The following STXBP4 variants were observed in gnomAD, a reference collection of about 807,000 sequenced individuals.
STXBP4 encodes the protein syntaxin-binding protein 4.
A neutral mutation model predicts 76.1 loss-of-function variants in STXBP4; 55 were observed. The ratio of observed to expected loss-of-function variants is 0.72; its 90% CI spans 0.58 to 0.91. The LOEUF (loss-of-function observed/expected upper bound fraction) is 0.91, where lower values mean the gene tolerates loss of function less well. Among genes scored for constraint, STXBP4 ranks in the 40% least tolerant of loss-of-function variants. The probability of loss-of-function intolerance (pLI) is 0.00; values close to 1 mark genes in which losing one functional copy is unlikely to be tolerated. For synonymous variants in STXBP4, 201 were observed against 220.2 expected (o/e 0.91, Z 0.77); for missense variants, 618 against 636.9 (o/e 0.97, Z 0.32).
intron 16 of STXBP4, among the ~76,000 whole-genome samples, chr17:55,131,807 G>C (rs1203370051): frequency 1.3e-5 from 2 of 152,122 alleles, no homozygotes; most frequent in Admixed American, 6.5e-5. Context: ...TGTCACCCAG[G>C]CTGGAGTGCT....
the STXBP4 span, among the ~76,000 whole-genome samples, chr17:55,195,840 T>C: frequency 6.6e-6 from 1 of 152,174 alleles, no homozygotes; most frequent in Non-Finnish European, 1.5e-5. Flanking sequence ...GCAGAGATTT[T>C]TGGTTGTCAC....
intron 8 of STXBP4, among the ~76,000 whole-genome samples, chr17:55,012,479 G>C (rs941203112): frequency 6.6e-6 from 1 of 152,098 alleles, no homozygotes; most frequent in Admixed American, 6.6e-5. Context: ...AGCAGTGTAA[G>C]ACTTCCACCT....
chr17:55,101,654 A>G (rs955511047), intron 16 of STXBP4, among the ~76,000 whole-genome samples: 1 of 152,236 alleles, frequency 6.6e-6, no homozygotes, highest in Non-Finnish European at 1.5e-5. Flanking sequence ...TTTCCTTCTT[A>G]GACTTTTGGG....
intron 13 of STXBP4, among the ~76,000 whole-genome samples, chr17:55,074,619 T>C (rs927697774): frequency 1.3e-5 from 2 of 152,160 alleles, no homozygotes; most frequent in South Asian, 4.1e-4. Flanking sequence ...ATTCCTTGTT[T>C]TTTGTTTCTT....
At chr17:55,084,441 T>C (rs1251577235) in intron 16 of STXBP4, among the ~76,000 whole-genome samples, 19 of 151,942 alleles carry the variant, frequency 1.3e-4, no homozygotes, top group East Asian at 1.9e-4. Context: ...TGCCTGTTCT[T>C]TCTGATGGTA....
chr17:55,103,007 T>C (rs2079585129), intron 16 of STXBP4, among the ~76,000 whole-genome samples: 1 of 152,110 alleles, frequency 6.6e-6, no homozygotes, highest in Non-Finnish European at 1.5e-5. Flanking sequence ...GTTTAAGTTC[T>C]TTGTAGATTC....
the STXBP4 span, among the ~76,000 whole-genome samples, chr17:55,207,219 G>T: frequency 6.6e-6 from 1 of 152,100 alleles, no homozygotes; most frequent in East Asian, 1.9e-4. Flanking sequence ...TCCCCAGGAT[G>T]TGCCATCCCG....
chr17:55,193,778 C>T, the STXBP4 span, among the ~76,000 whole-genome samples: 1 of 145,192 alleles, frequency 6.9e-6, no homozygotes, highest in African/African-American at 2.6e-5. Flanking sequence ...GGGCCTCCTC[C>T]TCTGCTTGTC....
At chr17:55,064,597 G>A (rs1175174575) in intron 12 of STXBP4, among the ~76,000 whole-genome samples, 1 of 152,070 alleles carries the variant, frequency 6.6e-6, no homozygotes, top group African/African-American at 2.4e-5. Flanking sequence ...GGGTTCAAGC[G>A]ATTCTACTGC....
At chr17:55,008,585 G>C (rs914400172) in intron 8 of STXBP4, among the ~76,000 whole-genome samples, 1 of 152,096 alleles carries the variant, frequency 6.6e-6, no homozygotes, top group Non-Finnish European at 1.5e-5. Context: ...CAAAGAAACA[G>C]GGAAAACTGT....
intron 13 of STXBP4, among the ~76,000 whole-genome samples, chr17:55,077,686 C>CGTGTGTGG (rs2079200143): frequency 7.5e-6 from 1 of 134,004 alleles, no homozygotes; most frequent in Admixed American, 7.7e-5. Context: ...TGTCTTACAT[C>CGTGTGTGG]GTGTGTGTGT....
chr17:55,009,363 A>G (rs1029666880), intron 8 of STXBP4, among the ~76,000 whole-genome samples: 1 of 152,236 alleles, frequency 6.6e-6, no homozygotes, highest in African/African-American at 2.4e-5. Flanking sequence ...TTGATTTAGT[A>G]TACATTTCTG....
In STXBP4 at chr17:55,141,295, T is replaced by G. The variant is rs1346003376; in HGVS notation, c.1490-15T>G. 1 of 1,605,528 alleles carries G rather than the reference T, an allele frequency of 6.2e-7. No homozygotes were observed. Reference sequence around the variant, plus strand: ...TCATCTTATTAAATATATTTTTGGTTTCCTTTCACTGTAGGTTTACCTTAT... The same window carrying G: ...TCATCTTATTAAATATATTTTTGGTGTCCTTTCACTGTAGGTTTACCTTAT... On this transcript the variant is annotated splice_polypyrimidine_tract_variant and intron_variant, in intron 16 of 17. Transcript: ENST00000376352.
At chr17:55,043,664 G>A (rs756357953) in intron 11 of STXBP4, 1 of 1,549,040 alleles carries the variant, frequency 6.5e-7, no homozygotes, top group South Asian at 1.2e-5. Context: ...TGGCAATTTT[G>A]GATCCTGTGA....
intron 17 of STXBP4, among the ~76,000 whole-genome samples, chr17:55,146,449 C>T (rs1399236049): frequency 1.3e-5 from 2 of 152,052 alleles, no homozygotes; most frequent in African/African-American, 2.4e-5. Flanking sequence ...TGGTGGCTGA[C>T]GCCTGTAATC....
chr17:55,138,933 A>G (rs976844940), intron 16 of STXBP4, among the ~76,000 whole-genome samples: 4 of 152,090 alleles, frequency 2.6e-5, no homozygotes, highest in African/African-American at 7.2e-5. Context: ...TTTAGTCTCT[A>G]GGTCTGTCTT....
At chr17:55,109,176 G>A (rs244368) in intron 16 of STXBP4, among the ~76,000 whole-genome samples, 95,261 of 152,016 alleles carry the variant, frequency 0.63, 30,514 homozygotes, top group African/African-American at 0.75. Flanking sequence ...ATTACCATGT[G>A]TATTGCCTAA....
intron 9 of STXBP4, among the ~76,000 whole-genome samples, chr17:55,032,843 A>C (rs2078533282): frequency 1.3e-5 from 2 of 152,172 alleles, no homozygotes; most frequent in Non-Finnish European, 2.9e-5. Context: ...AGCTGAACAG[A>C]AATGTCAGCT....
intron 8 of STXBP4, among the ~76,000 whole-genome samples, chr17:55,011,232 ATT>A (rs968555049): frequency 6.6e-6 from 1 of 151,608 alleles, no homozygotes; most frequent in Non-Finnish European, 1.5e-5. Flanking sequence ...TATTTGCATT[ATT>A]TTTTTTAATT....
Sources: allele counts gnomAD v4.1 joint callset (sites outside exome capture counted in the v4.1 genomes callset), GRCh38; gene constraint gnomAD v4.1.1; transcripts MANE v1.5; gene names NCBI Gene and HGNC (gene_info 2026-07-23, HGNC 2026-07-21).